The following TTLL11 variants were observed in gnomAD, a reference collection of about 807,000 sequenced individuals.
TTLL11 encodes the protein tubulin polyglutamylase TTLL11.
TTLL11 carries 42 observed loss-of-function variants against 51.7 expected under a neutral mutation model. The ratio of observed to expected loss-of-function variants is 0.81; its 90% CI spans 0.64 to 1.05. The LOEUF (loss-of-function observed/expected upper bound fraction) is 1.05. Ranked by LOEUF, TTLL11 falls within the 50% of genes least tolerant of loss-of-function variation. The probability of loss-of-function intolerance (pLI) is 0.00; values close to 1 mark genes in which losing one functional copy is unlikely to be tolerated. For synonymous variants in TTLL11, 381 were observed against 383.5 expected, an observed-to-expected ratio of 0.99 and a Z score of 0.08; for missense variants, 799 against 940.4, an observed-to-expected ratio of 0.85 and a Z score of 1.97.
chr9:121,960,584 G>A (rs1842189066), intron 6 of TTLL11, among the ~76,000 whole-genome samples: 1 of 152,072 alleles, frequency 6.6e-6, no homozygotes, highest in Non-Finnish European at 1.5e-5. Context: ...ACCTCACAGA[G>A]GCTACGGGCA....
chr9:121,846,584 TTC>T (rs1837520461), intron 8 of TTLL11, among the ~76,000 whole-genome samples: 1 of 151,724 alleles, frequency 6.6e-6, no homozygotes, highest in Admixed American at 6.6e-5. Flanking sequence ...ATACAAAAAA[TTC>T]TCTCAGGCCA....
At chr9:121,855,107 A>T (rs1837775469) in intron 8 of TTLL11, among the ~76,000 whole-genome samples, 1 of 152,172 alleles carries the variant, frequency 6.6e-6, no homozygotes, top group Non-Finnish European at 1.5e-5. Flanking sequence ...GCCACATATT[A>T]GATGTAGGTC....
At chr9:121,832,673 C>T (rs1170038618) in intron 8 of TTLL11, among the ~76,000 whole-genome samples, 1 of 152,202 alleles carries the variant, frequency 6.6e-6, no homozygotes, top group Non-Finnish European at 1.5e-5. Flanking sequence ...GGTGCAGTGG[C>T]TCATGCCTGT....
At chr9:121,882,194 C>A (rs1416748836) in intron 6 of TTLL11, among the ~76,000 whole-genome samples, 1 of 152,164 alleles carries the variant, frequency 6.6e-6, no homozygotes, top group East Asian at 1.9e-4. Flanking sequence ...CAACTGGTAA[C>A]CAGGACCTGT....
In TTLL11 at chr9:122,037,166, T is replaced by C. The variant is rs546919390; in HGVS notation, c.559+2106A>G. Among the ~76,000 whole-genome samples, 186 of 152,332 alleles carry C rather than the reference T, an allele frequency of 1.2e-3. 1 individual carries two copies. The highest frequency in any genetic ancestry group is 4.2e-3 in the African/African-American group (174 of 41,572). On this transcript the variant is annotated intron_variant, in intron 2 of 8. Transcript: ENST00000321582. ...GGGGAAAATGTAAATGAGGCCTCATTTGATGATTCATGTCTTAGGAACTCT... is the reference window on the plus strand; with the variant it reads ...GGGGAAAATGTAAATGAGGCCTCATCTGATGATTCATGTCTTAGGAACTCT...
chr9:121,965,224 T>G (rs1329734343), intron 6 of TTLL11, among the ~76,000 whole-genome samples: 1 of 152,190 alleles, frequency 6.6e-6, no homozygotes, highest in Non-Finnish European at 1.5e-5. Context: ...ATTAGTCTGT[T>G]TTCACACTGC....
intron 1 of TTLL11, among the ~76,000 whole-genome samples, chr9:122,040,166 C>T (rs1844811143): frequency 6.6e-6 from 1 of 152,076 alleles, no homozygotes; most frequent in South Asian, 2.1e-4. Flanking sequence ...CAGAGACAGC[C>T]AGTCTGCTGA....
At chr9:122,012,686 A>G (rs956730915) in intron 3 of TTLL11, among the ~76,000 whole-genome samples, 5 of 151,850 alleles carry the variant, frequency 3.3e-5, no homozygotes, top group Admixed American at 3.3e-4. Flanking sequence ...ACGCACACAC[A>G]CACACACACA....
intron 8 of TTLL11, among the ~76,000 whole-genome samples, chr9:121,845,175 G>A (rs1024468993): frequency 6.6e-5 from 10 of 152,082 alleles, no homozygotes; most frequent in Admixed American, 1.3e-4. Flanking sequence ...CCTTAGGTAA[G>A]GTATATATAA....
chr9:121,990,498 A>G (rs1843081540), intron 3 of TTLL11, among the ~76,000 whole-genome samples: 1 of 152,204 alleles, frequency 6.6e-6, no homozygotes, highest in African/African-American at 2.4e-5. Flanking sequence ...GCGGGGGCAG[A>G]ATTGGGATTG....
intron 1 of TTLL11, among the ~76,000 whole-genome samples, chr9:122,090,833 G>A (rs1413388242): frequency 1.3e-5 from 2 of 152,160 alleles, no homozygotes; most frequent in Non-Finnish European, 2.9e-5. Flanking sequence ...AATACCAAGG[G>A]CTGGAGATTG....
chr9:121,935,955 C>G (rs185368843), intron 6 of TTLL11, among the ~76,000 whole-genome samples: 1 of 152,194 alleles, frequency 6.6e-6, no homozygotes, highest in African/African-American at 2.4e-5. Flanking sequence ...CTCTCCTGGC[C>G]GCTTCTGGGA....
chr9:121,907,788 A>C (rs1317406211), intron 6 of TTLL11, among the ~76,000 whole-genome samples: 2 of 152,190 alleles, frequency 1.3e-5, no homozygotes, highest in Non-Finnish European at 2.9e-5. Context: ...CGCCATGAAA[A>C]ATGTATTATA....
At position 121,988,996 on chromosome 9, in the gene TTLL11, T is replaced by C. The variant is rs146404092; in HGVS notation, c.1269+199A>G. On this transcript the variant is annotated intron_variant, in intron 4 of 8. Coordinates refer to ENST00000321582, the MANE Select transcript of TTLL11 (RefSeq NM_001139442.2). ...CATTTTACAGGTAACAGAGGGGAAG[T>C]AGCTTGCCCCAAATCACACAGGGAG... 575 of 1,319,376 alleles carry C rather than the reference T, an allele frequency of 4.4e-4. No individual in the cohort carries two copies. In the African/African-American group the frequency reaches 7.6e-3, roughly 17 times the overall value. 81.7% of individuals were successfully genotyped at this position (1,319,376 alleles called of 1,614,324 possible). A position where few individuals can be genotyped will look rare whatever the true frequency, so the allele number is the denominator to read the frequency against.
intron 6 of TTLL11, among the ~76,000 whole-genome samples, chr9:121,937,148 A>C (rs1242920271): frequency 6.6e-6 from 1 of 152,244 alleles, no homozygotes; most frequent in African/African-American, 2.4e-5. Flanking sequence ...CTCATATGAC[A>C]ACATCTGTCA....
At chr9:121,856,292 C>T (rs982395316) in intron 8 of TTLL11, among the ~76,000 whole-genome samples, 3 of 152,106 alleles carry the variant, frequency 2.0e-5, no homozygotes, top group Admixed American at 6.5e-5. Context: ...AGGTTGGTCT[C>T]GAACTCCTAG....
At chr9:121,860,284 AC>A in intron 8 of TTLL11, 52 bp downstream of exon 8, 2 of 1,374,982 alleles carry the variant, frequency 1.5e-6, no homozygotes, top group Non-Finnish European at 2.0e-6. Flanking sequence ...AAAATATACC[AC>A]CCATGCCTGT....
rs2131692417 is a variant in TTLL11, at chr9:121,989,121, C to T, written c.1269+74G>A. Reference sequence around the variant, plus strand: ...TGGCCATCCCACCCCGATCACTCATCCTACACGAAGCCAGAGAGCCCTCTT... The same window carrying T: ...TGGCCATCCCACCCCGATCACTCATTCTACACGAAGCCAGAGAGCCCTCTT... On this transcript the variant is annotated intron_variant, in intron 4 of 8. Coordinates refer to ENST00000321582, the MANE Select transcript of TTLL11 (RefSeq NM_001139442.2). The surrounding 1 kb of genome is among the most constrained non-coding windows in gnomAD (Gnocchi z 4.2). The T allele has an allele frequency of 6.3e-7, 1 of 1,576,090 alleles. No individual in the cohort carries two copies. Among genetic ancestry groups the T allele is most frequent in the Non-Finnish European group, 8.6e-7 (1 of 1,159,188 alleles).
chr9:121,829,176 A>T (rs1438860546), intron 8 of TTLL11, among the ~76,000 whole-genome samples: 1 of 151,728 alleles, frequency 6.6e-6, no homozygotes, highest in Non-Finnish European at 1.5e-5. Flanking sequence ...CTGGTCTCAA[A>T]CTCCTGACCT....
Sources: allele counts gnomAD v4.1 joint callset (sites outside exome capture counted in the v4.1 genomes callset), GRCh38; gene constraint gnomAD v4.1.1; non-coding constraint Gnocchi (gnomAD v3.1); transcripts MANE v1.5; gene names NCBI Gene and HGNC (gene_info 2026-07-23, HGNC 2026-07-21).